The following YLPM1 variants were observed in gnomAD, a reference collection of about 807,000 sequenced individuals.
The protein encoded by YLPM1 is YLP motif-containing protein 1.
A neutral mutation model predicts 230.0 loss-of-function variants in YLPM1; 99 were observed. The observed-to-expected ratio is 0.43, with a 90% CI of 0.37 to 0.51. The LOEUF is 0.51. Among genes scored for constraint, YLPM1 ranks in the 20% least tolerant of loss-of-function variants. The probability of loss-of-function intolerance (pLI) is 0.00; values close to 1 mark genes in which losing one functional copy is unlikely to be tolerated. For missense variants in YLPM1, 2,592 were observed against 2,707.7 expected, an observed-to-expected ratio of 0.96 and a Z score of 0.95; for synonymous variants, 984 against 942.5, an observed-to-expected ratio of 1.04 and a Z score of -0.81.
At chr14:74,812,563 G>C in intron 10 of YLPM1, 65 bp from the exon 11 acceptor site, 1 of 1,498,286 alleles carries the variant, frequency 6.7e-7, no homozygotes. Context: ...GGATGTGTGG[G>C]GAGAGTTGAA....
chr14:74,792,381 AC>A lies in YLPM1; in HGVS notation c.2283-5198del, dbSNP rs139517322. On this transcript the variant is annotated intron_variant, in intron 4 of 20. Coordinates refer to ENST00000325680, the MANE Select transcript of YLPM1 (RefSeq NM_019589.3). ...CCTATCAAGCCCAGTAAAACATCTC[AC>A]TTCTAACCCTTAGCTTTACTTAGCA... Among the ~76,000 whole-genome samples the A allele has an allele frequency of 3.6e-3, 555 of 152,294 alleles. 5 individuals carry two copies. The highest frequency in any genetic ancestry group is 0.013 in the African/African-American group (532 of 41,558).
intron 4 of YLPM1, among the ~76,000 whole-genome samples, chr14:74,792,446 T>G (rs546937492): frequency 6.6e-6 from 1 of 152,246 alleles, no homozygotes; most frequent in Non-Finnish European, 1.5e-5. Context: ...GCGGCCCTTC[T>G]GATGAGAGCT....
intron 17 of YLPM1, among the ~76,000 whole-genome samples, chr14:74,823,254 C>G (rs1016186596): frequency 6.6e-6 from 1 of 151,970 alleles, no homozygotes; most frequent in Non-Finnish European, 1.5e-5. Flanking sequence ...TGAACATTCC[C>G]AACAGTAGAG....
Position 74,802,539 on chromosome 14 carries a change from A to T in YLPM1, c.4401-17A>T, listed in dbSNP as rs755560139. On this transcript the variant is annotated splice_polypyrimidine_tract_variant and intron_variant, in intron 5 of 20. Coordinates refer to ENST00000325680, the MANE Select transcript of YLPM1 (RefSeq NM_019589.3). ...TAAGCATGCTTTATGTACTATGTCA[A>T]TTTTATTTGTTTGCAGGGAACAGAA... 5 of 1,606,498 alleles carry T rather than the reference A, an allele frequency of 3.1e-6. No individual in the cohort carries two copies. In the East Asian group the frequency reaches 1.1e-4, roughly 36 times the overall value.
chr14:74,829,151 G>A, intron 18 of YLPM1, 62 bp from the exon 19 acceptor site: 1 of 1,598,374 alleles, frequency 6.3e-7, no homozygotes, highest in Non-Finnish European at 8.5e-7. Flanking sequence ...TTTCCCCTGT[G>A]TGTGTGTCGT....
At chr14:74,769,854 C>A (rs1387691494) in intron 1 of YLPM1, among the ~76,000 whole-genome samples, 11 of 130,824 alleles carry the variant, frequency 8.4e-5, no homozygotes, top group East Asian at 7.4e-4. Flanking sequence ...GTGAGACACC[C>A]CCCCCCCCGC....
rs199654037 is a variant in YLPM1, at chr14:74,799,684, C to T, written c.4387C>T (p.Leu1463=). 68 of 1,605,914 alleles carry T rather than the reference C, an allele frequency of 4.2e-5. No individual in the cohort carries two copies. The highest frequency in any genetic ancestry group is 5.7e-5 in the Non-Finnish European group (67 of 1,174,318). ...AATCATTTTGAAAGCTGCACAAGAA[C>T]TGAAAATGCTTCGGTAAGTTGACTC... ...HEIILKAAQE[L]KMLREQKEQL... Residue 1463 remains leucine (L), a synonymous_variant, in exon 5 of 21, where the codon CTG becomes TTG. Coordinates refer to ENST00000325680, the MANE Select transcript of YLPM1 (RefSeq NM_019589.3).
At chr14:74,784,515 A>G (rs1055068364) in intron 4 of YLPM1, among the ~76,000 whole-genome samples, 26 of 152,364 alleles carry the variant, frequency 1.7e-4, no homozygotes, top group African/African-American at 6.3e-4. Flanking sequence ...TAAATGGTCA[A>G]GATGAGATTA....
At chr14:74,794,838 T>G (rs2091244096) in intron 4 of YLPM1, among the ~76,000 whole-genome samples, 1 of 152,224 alleles carries the variant, frequency 6.6e-6, no homozygotes, top group African/African-American at 2.4e-5. Flanking sequence ...GTAACTATTG[T>G]AGTCCATATT....
rs2090867261 is a variant in YLPM1 at position 74,763,331 on chromosome 14, C to G, written c.-159C>G. ...GCGTCCCCGCCTTCCCGGTCGCGGG[C>G]CCAGCTCGGGAGCGCCGGCGCACTG... On this transcript the variant is annotated 5_prime_UTR_variant, in exon 1 of 21. Transcript: ENST00000325680. 8.2e-6 allele frequency: 7 copies of G among 850,102 alleles called. No homozygotes were observed. Among genetic ancestry groups the G allele is most frequent in the Non-Finnish European group, 1.1e-5 (7 of 619,228 alleles). The allele number at this position is 850,102 out of a possible 1,614,324, so 52.7% of individuals were successfully genotyped here.
intron 6 of YLPM1, among the ~76,000 whole-genome samples, 152 bp downstream of exon 6, chr14:74,802,828 A>C (rs1454595379): frequency 1.3e-5 from 2 of 152,198 alleles, no homozygotes; most frequent in African/African-American, 4.8e-5. Flanking sequence ...TTGAACTTTG[A>C]ACACCTTAAA....
Position 74,797,862 on chromosome 14 carries a change from A to G in YLPM1, c.2565A>G (p.Gln855=), listed in dbSNP as rs746990609. The change falls in exon 5 of 21, where the codon CAA becomes CAG. Residue 855 remains glutamine (Q), a synonymous_variant. Transcript: ENST00000325680. ...GQQHQQQPKS[Q]AEPLSGNKEP... ...AGCATCAGCAGCAACCTAAGTCACAAGCAGAACCTCTTTCAGGAAACAAAG... is the reference window on the plus strand; with the variant it reads ...AGCATCAGCAGCAACCTAAGTCACAGGCAGAACCTCTTTCAGGAAACAAAG... 5 of 1,613,880 alleles carry G rather than the reference A, an allele frequency of 3.1e-6. No homozygotes were observed. The highest frequency in any genetic ancestry group is 2.2e-5 in the East Asian group (1 of 44,898).
chr14:74,765,387 C>T (rs1248393477), intron 1 of YLPM1, among the ~76,000 whole-genome samples: 1 of 152,146 alleles, frequency 6.6e-6, no homozygotes, highest in South Asian at 2.1e-4. Context: ...TATAATTTTA[C>T]GGTGGTTTGG....
rs2091412179 is a variant in YLPM1, at chr14:74,809,419, C to A, written c.4561C>A (p.Pro1521Thr). The A allele has an allele frequency of 6.2e-7, 1 of 1,608,444 alleles. No homozygotes were observed. ...SYRPPPPMGK[P>T]PGSIVRPSAP... ...TAGACCTCCCCCTCCTATGGGCAAA[C>A]CACCAGGTTCAATTGTAAGACCCTC... Residue 1521 changes from proline (P) to threonine (T), a missense_variant, in exon 7 of 21, where the codon CCA becomes ACA. Pro to Thr is a conservative substitution (Grantham distance 38, BLOSUM62 -1). Coordinates refer to ENST00000325680, the MANE Select transcript of YLPM1 (RefSeq NM_019589.3).
Position 74,810,265 on chromosome 14 carries a change from T to C in YLPM1, c.5073T>C (p.Asp1691=). ...GQRDRYDRER[D]REPYFDRQSN... is the part of the protein sequence containing the mutation. ...GTGATCGTTATGATAGAGAAAGAGATCGTGAGCCTTATTTTGATCGTCAAA... is the reference window on the plus strand; with the variant it reads ...GTGATCGTTATGATAGAGAAAGAGACCGTGAGCCTTATTTTGATCGTCAAA... The change falls in exon 9 of 21, where the codon GAT becomes GAC. Residue 1691 remains aspartate (D), a synonymous_variant. Coordinates refer to ENST00000325680, the MANE Select transcript of YLPM1 (RefSeq NM_019589.3). 4 of 1,613,192 alleles carry C rather than the reference T, an allele frequency of 2.5e-6. No homozygotes were observed. In the South Asian group the frequency reaches 3.3e-5, roughly 13 times the overall value.
At chr14:74,773,723 T>C (rs1224104900) in intron 1 of YLPM1, among the ~76,000 whole-genome samples, 5 of 136,666 alleles carry the variant, frequency 3.7e-5, no homozygotes, top group East Asian at 2.1e-4. Context: ...TTTTTTTTTT[T>C]TTTTTTTTTT....
chr14:74,773,711 C>CTTTTTTTTTTTT (rs766885242), intron 1 of YLPM1, among the ~76,000 whole-genome samples: 5 of 60,564 alleles, frequency 8.3e-5, no homozygotes, highest in African/African-American at 1.5e-4. Context: ...TGTTTTCTTT[C>CTTTTTTTTTTTT]TTTTTTTTTT....
intron 19 of YLPM1, among the ~76,000 whole-genome samples, chr14:74,832,446 A>C (rs1395301607): frequency 1.3e-5 from 2 of 152,130 alleles, no homozygotes; most frequent in Non-Finnish European, 2.9e-5. Flanking sequence ...AAAATATTTT[A>C]ATTCCAACTT....
At chr14:74,765,262 CA>C (rs1307266717) in intron 1 of YLPM1, among the ~76,000 whole-genome samples, 1 of 152,166 alleles carries the variant, frequency 6.6e-6, no homozygotes, top group African/African-American at 2.4e-5. Context: ...CTAAAGTAGA[CA>C]CTTTTTCAGC....
Sources: gnomAD v4.1 joint callset for allele counts (sites outside exome capture counted in the v4.1 genomes callset) on GRCh38, gnomAD v4.1.1 for gene constraint, MANE v1.5 for transcripts, NCBI Gene and HGNC (gene_info 2026-07-23, HGNC 2026-07-21) for gene names.